SLCO5A1: variants seen among roughly 807,000 people sequenced by gnomAD.
SLCO5A1 encodes organic anion transporter polypeptide-related protein 4.
Under a neutral mutation model 65.1 loss-of-function variants are expected in SLCO5A1, and 39 were observed. That is an observed-to-expected ratio of 0.60 (90% CI 0.46 to 0.78). SLCO5A1 has a LOEUF of 0.78. Among genes scored for constraint, SLCO5A1 ranks in the 30% least tolerant of loss-of-function variants. The pLI, the probability that SLCO5A1 is intolerant of heterozygous loss-of-function variation, is 0.00. For synonymous variants in SLCO5A1, 438 were observed against 415.7 expected (o/e 1.05, Z -0.65); for missense variants, 1,029 against 1,069.4 (o/e 0.96, Z 0.53).
intron 5 of SLCO5A1, chr8:69,713,909 T>G (rs1815392421): frequency 6.6e-6 from 1 of 152,234 alleles, no homozygotes; most frequent in African/African-American, 2.4e-5. Context: ...TTTACCCTTT[T>G]GAGCTTCCAT....
In SLCO5A1 at chr8:69,791,834, G is replaced by T. The variant is rs145984424; in HGVS notation, c.908-29959C>A. 1.3e-3 allele frequency among the ~76,000 whole-genome samples: 200 copies of T among 152,318 alleles called. 2 individuals are homozygous for T. Among genetic ancestry groups the T allele is most frequent in the African/African-American group, 4.6e-3 (193 of 41,584 alleles). ...CTAATAAGTGAATTACAGAAGGCTT[G>T]CTTTGGAAGATATTCAAGCAAATAT... On this transcript the variant is annotated intron_variant, in intron 2 of 9. Coordinates refer to ENST00000260126, the MANE Select transcript of SLCO5A1 (RefSeq NM_030958.3).
chr8:69,784,895 GAAGAAAGAAAGAAAGAAAGAAAGA>G lies in SLCO5A1; in HGVS notation c.908-23044_908-23021del, dbSNP rs200219200. On this transcript the variant is annotated intron_variant, in intron 2 of 9. Transcript: ENST00000260126. ...AAGGAGAAAGAAAGAAAGAAGAAAG[GAAGAAAGAAAGAAAGAAAGAAAGA>G]AAGAAAGAAAGAAAGAAAGAAAGAA... Among the ~76,000 whole-genome samples, 253 of 85,008 alleles carry G rather than the reference GAAGAAAGAAAGAAAGAAAGAAAGA, an allele frequency of 3.0e-3. 3 individuals carry two copies. Among genetic ancestry groups the G allele is most frequent in the African/African-American group, 8.6e-3 (161 of 18,726 alleles). 55.8% of individuals were successfully genotyped at this position (85,008 alleles called of 152,430 possible).
chr8:69,720,295 T>C (rs915138992), intron 5 of SLCO5A1, among the ~76,000 whole-genome samples: 8 of 152,254 alleles, frequency 5.3e-5, no homozygotes, highest in Admixed American at 3.9e-4. Flanking sequence ...AGTGCGAATG[T>C]AATGTACCTC....
intron 5 of SLCO5A1, among the ~76,000 whole-genome samples, chr8:69,735,221 G>A (rs1358097729): frequency 1.3e-5 from 2 of 152,166 alleles, no homozygotes; most frequent in Non-Finnish European, 2.9e-5. Flanking sequence ...CACTGTTGGT[G>A]CAAATGTAAA....
intron 6 of SLCO5A1, among the ~76,000 whole-genome samples, chr8:69,694,661 C>T (rs1266674790): frequency 6.6e-6 from 1 of 152,188 alleles, no homozygotes; most frequent in Non-Finnish European, 1.5e-5. Flanking sequence ...CTAAAAGTGG[C>T]ACGCCTATAC....
chr8:69,786,955 A>C (rs1289826065), intron 2 of SLCO5A1, among the ~76,000 whole-genome samples: 1 of 152,214 alleles, frequency 6.6e-6, no homozygotes, highest in Non-Finnish European at 1.5e-5. Flanking sequence ...ATGCATTTAA[A>C]ATGTTAGTAG....
chr8:69,688,986 CTCTCCAGCACCTGT>C (rs1335382427), intron 6 of SLCO5A1, among the ~76,000 whole-genome samples: 1 of 150,698 alleles, frequency 6.6e-6, no homozygotes, highest in African/African-American at 2.4e-5. Context: ...TCTCCACATC[CTCTCCAGCACCTGT>C]TGTTTCCTGA....
intron 2 of SLCO5A1, among the ~76,000 whole-genome samples, chr8:69,783,699 T>C (rs1171246165): frequency 6.6e-6 from 1 of 152,144 alleles, no homozygotes; most frequent in Non-Finnish European, 1.5e-5. Context: ...AATCAATCAG[T>C]AGTTATTTGG....
intron 2 of SLCO5A1, among the ~76,000 whole-genome samples, chr8:69,767,687 C>T (rs557182129): frequency 1.6e-4 from 24 of 151,526 alleles, no homozygotes; most frequent in African/African-American, 5.1e-4. Flanking sequence ...GTCAGGAGTT[C>T]GAGACCAGCC....
intron 2 of SLCO5A1, among the ~76,000 whole-genome samples, chr8:69,778,316 T>C (rs1818655258): frequency 6.6e-6 from 1 of 152,084 alleles, no homozygotes; most frequent in African/African-American, 2.4e-5. Flanking sequence ...CAGTTTATTT[T>C]ATGTCAATTT....
At chr8:69,779,915 G>A (rs1818725724) in intron 2 of SLCO5A1, among the ~76,000 whole-genome samples, 1 of 151,946 alleles carries the variant, frequency 6.6e-6, no homozygotes, top group Admixed American at 6.6e-5. Context: ...TATACAACAG[G>A]GGACTGATAT....
intron 2 of SLCO5A1, among the ~76,000 whole-genome samples, chr8:69,784,903 AAAG>A (rs1818974569): frequency 1.8e-5 from 1 of 56,226 alleles, no homozygotes; most frequent in African/African-American, 1.1e-4. Context: ...AGGAAGAAAG[AAAG>A]AAAGAAAGAA....
At chr8:69,733,607 G>A (rs1333862425) in intron 5 of SLCO5A1, among the ~76,000 whole-genome samples, 4 of 152,210 alleles carry the variant, frequency 2.6e-5, no homozygotes, top group African/African-American at 9.6e-5. Flanking sequence ...GGAGGTGCCA[G>A]GTGGGAGGTG....
intron 4 of SLCO5A1, among the ~76,000 whole-genome samples, chr8:69,749,421 C>A (rs1436204362): frequency 6.6e-6 from 1 of 152,076 alleles, no homozygotes; most frequent in Non-Finnish European, 1.5e-5. Flanking sequence ...AGTTCAAGAC[C>A]AGCCTGGCCA....
At chr8:69,815,849 C>T (rs1438690845) in intron 2 of SLCO5A1, among the ~76,000 whole-genome samples, 4 of 152,140 alleles carry the variant, frequency 2.6e-5, no homozygotes, top group Non-Finnish European at 4.4e-5. Flanking sequence ...AAATAATCCA[C>T]TGGAGCACAC....
At chr8:69,749,283 T>C (rs1817171936) in intron 4 of SLCO5A1, among the ~76,000 whole-genome samples, 1 of 152,156 alleles carries the variant, frequency 6.6e-6, no homozygotes, top group African/African-American at 2.4e-5. Flanking sequence ...ACCTCTGGTA[T>C]CTCTCTCCAT....
chr8:69,741,397 G>C (rs1339585030), intron 4 of SLCO5A1, among the ~76,000 whole-genome samples: 1 of 152,172 alleles, frequency 6.6e-6, no homozygotes, highest in African/African-American at 2.4e-5. Context: ...CGATTATGTT[G>C]TAATAGGAAC....
At position 69,679,429 on chromosome 8, in the gene SLCO5A1, A is replaced by G. The variant is rs199557397; in HGVS notation, c.1973T>C (p.Val658Ala). 3 of 1,614,240 alleles carry G rather than the reference A, an allele frequency of 1.9e-6. No individual in the cohort carries two copies. The African/African-American group carries it at 4.0e-5, about 22-fold the overall frequency. The change falls in exon 8 of 10, where the codon GTC (valine) becomes GCC (alanine). Residue 658 changes from valine to alanine, a missense_variant. Val to Ala is a moderately conservative substitution (Grantham distance 64). Around this residue, in one of 3 missense-constraint regions of SLCO5A1, gnomAD observed 258 missense variants for 237.4 expected, o/e 1.09. Transcript: ENST00000260126. Reference sequence around the variant, plus strand: ...TTGGGCACATGCTGTGATGAAGGTGACTATGAAAAGAAAAACTAAGAATGG... The same window carrying G: ...TTGGGCACATGCTGTGATGAAGGTGGCTATGAAAAGAAAAACTAAGAATGG... Reference protein sequence around the residue: ...LIPFLVFLFIVTFITACAQPS... With the variant: ...LIPFLVFLFIATFITACAQPS...
At chr8:69,703,469 C>T (rs1003040912) in intron 6 of SLCO5A1, among the ~76,000 whole-genome samples, 9 of 152,040 alleles carry the variant, frequency 5.9e-5, no homozygotes, top group African/African-American at 9.7e-5. Context: ...TCACTTGTGA[C>T]CGGGAGTTCA....
Sources: gnomAD v4.1 joint callset for allele counts (sites outside exome capture counted in the v4.1 genomes callset) on GRCh38, gnomAD v4.1.1 for gene constraint, gnomAD v4.1.1 regional missense constraint, MANE v1.5 for transcripts, NCBI Gene and HGNC (gene_info 2026-07-23, HGNC 2026-07-21) for gene names.